The following CUL5 variants were observed in gnomAD, a reference collection of about 807,000 sequenced individuals.
CUL5 encodes the protein cullin 5, also known as cullin-5.
In CUL5, 26 loss-of-function variants were observed where a neutral mutation model predicts 108.8. The observed-to-expected ratio is 0.24, with a 90% CI of 0.18 to 0.33. CUL5 has a LOEUF of 0.33. CUL5 is among the 10% of genes least tolerant of loss of function. CUL5 has a pLI of 1.00. For synonymous variants in CUL5, 334 were observed against 298.0 expected (o/e 1.12, Z -1.25); for missense variants, 524 against 909.2 (o/e 0.58, Z 5.45).
At position 108,073,417 on chromosome 11, in the gene CUL5, C is replaced by G. The variant is rs978106151; in HGVS notation, c.1033C>G (p.Leu345Val). Residue 345 changes from leucine (L) to valine (V), a missense_variant, in exon 10 of 19, where the codon CTT (leucine) becomes GTT (valine). Transcript: ENST00000393094. ...CTCTGAGAAATACGTTGAGCAGTTA[C>G]TTACACTATTTAATAGATTTAGTAA... ...TDSEKYVEQLLTLFNRFSKLV... is the reference protein window; with the variant it reads ...TDSEKYVEQLVTLFNRFSKLV... 2 of 1,582,652 alleles carry G rather than the reference C, an allele frequency of 1.3e-6. No homozygotes were observed. Among genetic ancestry groups the G allele is most frequent in the African/African-American group, 1.4e-5 (1 of 73,700 alleles).
At chr11:108,050,890 G>A (rs963173708) in intron 4 of CUL5, among the ~76,000 whole-genome samples, 2 of 152,176 alleles carry the variant, frequency 1.3e-5, no homozygotes, top group Non-Finnish European at 2.9e-5. Context: ...AGAACTCAGT[G>A]CTGAATATGA....
chr11:108,083,987 G>A (rs908289020), intron 11 of CUL5, among the ~76,000 whole-genome samples: 6 of 152,128 alleles, frequency 3.9e-5, no homozygotes, highest in Non-Finnish European at 8.8e-5. Flanking sequence ...ATTTTTTGGC[G>A]ATTTTTTTTC....
At chr11:108,091,367 T>TA (rs35939930) in intron 13 of CUL5, among the ~76,000 whole-genome samples, 54,359 of 148,888 alleles carry the variant, frequency 0.37, 11,157 homozygotes, top group Middle Eastern at 0.54. Context: ...ATTTCTTTGT[T>TA]AAAAAAAAAA....
chr11:108,072,311 G>T (rs370972008), intron 8 of CUL5, 21 bp from the exon 9 acceptor site: 1 of 1,566,598 alleles, frequency 6.4e-7, no homozygotes, highest in South Asian at 1.2e-5. Context: ...ATGATTACAT[G>T]AATGTGTTCT....
At chr11:108,046,176 T>C (rs1863063228) in intron 2 of CUL5, 94 bp from the exon 3 acceptor site, 3 of 809,048 alleles carry the variant, frequency 3.7e-6, no homozygotes, top group Non-Finnish European at 5.9e-6. Flanking sequence ...GGTTCTAATA[T>C]GGCCCATGGA....
intron 11 of CUL5, 32 bp downstream of exon 11, chr11:108,078,272 CT>C: frequency 7.7e-7 from 1 of 1,293,930 alleles, no homozygotes; most frequent in Non-Finnish European, 1.1e-6. Context: ...TTTAAAAATA[CT>C]TAAATTTTCT....
chr11:108,057,332 C>T (rs183125601), intron 7 of CUL5, among the ~76,000 whole-genome samples: 20 of 152,058 alleles, frequency 1.3e-4, no homozygotes, highest in Admixed American at 3.9e-4. Context: ...TTGGCAGTAA[C>T]GGTCAAAAGT....
rs1862656119 is a variant in CUL5 at position 108,033,814 on chromosome 11, C to T, written c.37C>T (p.Leu13Phe). 3.8e-6 allele frequency: 6 copies of T among 1,594,644 alleles called. No homozygotes were observed. Among genetic ancestry groups the T allele is most frequent in the Admixed American group, 3.4e-5 (2 of 58,172 alleles). Reference protein sequence around the residue: ...TSNLLKNKGSLQFEDKWDFMR... With the variant: ...TSNLLKNKGSFQFEDKWDFMR... ...TTTTTTTTTCAAGAATAAAGGTTCT[C>T]TTCAGTTTGAAGACAAATGGGATTT... The change falls in exon 2 of 19, where the codon CTT (leucine) becomes TTT (phenylalanine). Residue 13 changes from leucine to phenylalanine, a missense_variant. Physicochemically the swap from Leu to Phe is conservative, Grantham distance 22. Transcript: ENST00000393094.
At chr11:108,065,307 G>A (rs1863645968) in intron 7 of CUL5, among the ~76,000 whole-genome samples, 1 of 152,148 alleles carries the variant, frequency 6.6e-6, no homozygotes, top group African/African-American at 2.4e-5. Flanking sequence ...ACAGGCATGA[G>A]CCACTGCACC....
At chr11:108,056,509 G>T (rs1034329739) in intron 7 of CUL5, among the ~76,000 whole-genome samples, 34 of 152,144 alleles carry the variant, frequency 2.2e-4, no homozygotes, top group African/African-American at 2.4e-5. Context: ...CTCTTTGGTT[G>T]AAATAGTTTT....
chr11:108,023,176 G>T (rs1862369229), intron 1 of CUL5, among the ~76,000 whole-genome samples: 1 of 151,984 alleles, frequency 6.6e-6, no homozygotes. Context: ...TTGAACCAGG[G>T]AGGCAGAGGT....
intron 11 of CUL5, among the ~76,000 whole-genome samples, chr11:108,080,046 T>C (rs1403231957): frequency 6.6e-6 from 1 of 152,122 alleles, no homozygotes; most frequent in East Asian, 1.9e-4. Context: ...GGGATGTATG[T>C]AGTAGTATCT....
At chr11:108,094,780 T>C in intron 14 of CUL5, 32 bp from the exon 15 acceptor site, 3 of 1,476,434 alleles carry the variant, frequency 2.0e-6, no homozygotes, top group Non-Finnish European at 2.7e-6. Context: ...CATTGTTAAT[T>C]TACTTTATAT....
At chr11:108,072,226 C>A in intron 8 of CUL5, 106 bp from the exon 9 acceptor site, 1 of 883,236 alleles carries the variant, frequency 1.1e-6, no homozygotes, top group Middle Eastern at 3.4e-4. Flanking sequence ...CTCCTAATGG[C>A]ATTGTATCCA....
At chr11:108,017,084 A>G (rs117161975) in intron 1 of CUL5, among the ~76,000 whole-genome samples, 2,385 of 152,280 alleles carry the variant, frequency 0.016, 38 homozygotes, top group South Asian at 0.028. Context: ...TTTATGCTGT[A>G]CTGGATACCA....
intron 11 of CUL5, among the ~76,000 whole-genome samples, chr11:108,088,211 A>C (rs1210336473): frequency 6.6e-6 from 1 of 152,190 alleles, no homozygotes; most frequent in East Asian, 1.9e-4. Context: ...AAAGTATTTT[A>C]ACAGATTTCT....
At chr11:108,050,138 A>G in intron 4 of CUL5, 72 bp downstream of exon 4, 1 of 1,358,226 alleles carries the variant, frequency 7.4e-7, no homozygotes, top group South Asian at 1.5e-5. Flanking sequence ...TTTGAAAGTA[A>G]TTTGAACTTT....
intron 5 of CUL5, among the ~76,000 whole-genome samples, chr11:108,054,399 TAGA>T (rs980513679): frequency 3.9e-5 from 6 of 152,248 alleles, no homozygotes; most frequent in African/African-American, 1.4e-4. Flanking sequence ...ATTATTCAGT[TAGA>T]AGTCAGTTTC....
chr11:108,042,026 G>A (rs992464571), intron 2 of CUL5, among the ~76,000 whole-genome samples: 1 of 152,100 alleles, frequency 6.6e-6, no homozygotes, highest in African/African-American at 2.4e-5. Flanking sequence ...CATGGTAATG[G>A]GAGGGAAACG....
Sources: allele counts gnomAD v4.1 joint callset (sites outside exome capture counted in the v4.1 genomes callset), GRCh38; gene constraint gnomAD v4.1.1; transcripts MANE v1.5; gene names NCBI Gene and HGNC (gene_info 2026-07-23, HGNC 2026-07-21).